The following DNAH8 variants were observed in gnomAD, a reference collection of about 807,000 sequenced individuals.
DNAH8 encodes axonemal beta dynein heavy chain 8.
DNAH8 carries 382 observed loss-of-function variants against 562.1 expected under a neutral mutation model. The ratio of observed to expected loss-of-function variants is 0.68; its 90% CI spans 0.63 to 0.74. The LOEUF (loss-of-function observed/expected upper bound fraction) is 0.74. Ranked by LOEUF, DNAH8 falls within the 30% of genes least tolerant of loss-of-function variation. The pLI, the probability that DNAH8 is intolerant of heterozygous loss-of-function variation, is 0.00. For synonymous variants in DNAH8, 1,881 were observed against 1,919.4 expected (o/e 0.98, Z 0.52); for missense variants, 5,203 against 5,620.4 (o/e 0.93, Z 2.37).
At chr6:38,731,099 G>C (rs544403353) in intron 4 of DNAH8, among the ~76,000 whole-genome samples, 1 of 152,098 alleles carries the variant, frequency 6.6e-6, no homozygotes, top group South Asian at 2.1e-4. Context: ...ATGTAAACTC[G>C]CAAATAGTGA....
At chr6:38,932,076 G>GA (rs200786194) in intron 76 of DNAH8, 83 bp downstream of exon 76, 426 of 1,075,544 alleles carry the variant, frequency 4.0e-4, no homozygotes, top group Middle Eastern at 1.4e-3. Flanking sequence ...ATGTGAAAAA[G>GA]AAAAAAAAAT....
At chr6:38,733,895 A>G (rs1763857280) in intron 4 of DNAH8, among the ~76,000 whole-genome samples, 1 of 151,124 alleles carries the variant, frequency 6.6e-6, no homozygotes, top group South Asian at 2.1e-4. Context: ...TGGGAGACAG[A>G]GCTAAAAAAA....
intron 9 of DNAH8, 86 bp from the exon 10 acceptor site, chr6:38,755,886 A>G: frequency 1.3e-6 from 1 of 796,378 alleles, no homozygotes; most frequent in Non-Finnish European, 2.1e-6. Context: ...TATTTTGTGT[A>G]CCTTTAGAGT....
At chr6:38,822,250 G>A (rs1442664429) in intron 26 of DNAH8, 3 of 152,184 alleles carry the variant, frequency 2.0e-5, no homozygotes, top group East Asian at 3.9e-4. Flanking sequence ...AAAAATAAAA[G>A]CATTGGTGAC....
chr6:38,747,384 C>CTTTTTTTTTTTTTTT (rs55729629), intron 8 of DNAH8, among the ~76,000 whole-genome samples: 5 of 113,776 alleles, frequency 4.4e-5, no homozygotes, highest in African/African-American at 1.4e-4. Flanking sequence ...TTTTCTTTTT[C>CTTTTTTTTTTTTTTT]TTTTTTTTTT....
intron 53 of DNAH8, among the ~76,000 whole-genome samples, chr6:38,876,326 C>G (rs752383549): frequency 6.6e-6 from 1 of 150,652 alleles, no homozygotes; most frequent in Non-Finnish European, 1.5e-5. Flanking sequence ...AAAAGAAATG[C>G]CTTTGAACTT....
intron 88 of DNAH8, among the ~76,000 whole-genome samples, chr6:39,000,472 C>T (rs761721880): frequency 2.0e-5 from 3 of 152,158 alleles, no homozygotes; most frequent in African/African-American, 7.2e-5. Flanking sequence ...GGAGCACTAC[C>T]GCCTGAGCTC....
At chr6:38,742,774 T>C (rs1764619238) in intron 8 of DNAH8, among the ~76,000 whole-genome samples, 1 of 145,498 alleles carries the variant, frequency 6.9e-6, no homozygotes, top group South Asian at 2.2e-4. Context: ...GAAAGACAAC[T>C]GCACTTTTCT....
At chr6:38,782,277 ATATT>A (rs5875638) in intron 16 of DNAH8, among the ~76,000 whole-genome samples, 117,248 of 148,598 alleles carry the variant, frequency 0.79, 46,520 homozygotes, top group African/African-American at 0.87. Flanking sequence ...TATTTTTTAA[ATATT>A]TATTTATTTA....
chr6:38,726,902 G>C (rs562599632), intron 3 of DNAH8, among the ~76,000 whole-genome samples: 2 of 127,230 alleles, frequency 1.6e-5, no homozygotes, highest in Non-Finnish European at 3.1e-5. Flanking sequence ...CTGTTACCCA[G>C]CCTGGAGTGC....
chr6:38,733,763 TA>T (rs976168581), intron 4 of DNAH8, among the ~76,000 whole-genome samples: 2 of 150,574 alleles, frequency 1.3e-5, no homozygotes, highest in African/African-American at 4.9e-5. Flanking sequence ...CTACAAGAAT[TA>T]GCCAGGCATG....
intron 35 of DNAH8, among the ~76,000 whole-genome samples, 189 bp downstream of exon 35, chr6:38,843,092 GATTATTTGAAATAC>G (rs759398773): frequency 3.3e-5 from 5 of 152,068 alleles, no homozygotes; most frequent in South Asian, 2.1e-4. Flanking sequence ...GAGATTATAT[GATTATTTGAAATAC>G]ATTATTTGAA....
intron 58 of DNAH8, among the ~76,000 whole-genome samples, chr6:38,893,431 A>ATTTTTT (rs1021101326): frequency 1.3e-5 from 2 of 151,540 alleles, no homozygotes; most frequent in Non-Finnish European, 2.9e-5. Context: ...AAAGAAAGGA[A>ATTTTTT]TTTTTTTTTA....
rs1246292892 is a variant in DNAH8, at chr6:38,807,728, A to G, written c.3257+12A>G. On this transcript the variant is annotated intron_variant, in intron 24 of 92. Coordinates refer to ENST00000327475, the MANE Select transcript of DNAH8 (RefSeq NM_001206927.2). Reference sequence around the variant, plus strand: ...ATATTTGTTGCAAGGCAAGTTGAAAATATGCTAATTATGTCTGGTAATCAT... The same window carrying G: ...ATATTTGTTGCAAGGCAAGTTGAAAGTATGCTAATTATGTCTGGTAATCAT... The G allele has an allele frequency of 7.0e-7, 1 of 1,436,874 alleles. No homozygotes were observed. Among genetic ancestry groups the G allele is most frequent in the South Asian group, 1.5e-5 (1 of 64,976 alleles). The allele number at this position is 1,436,874 out of a possible 1,614,324, so 89.0% of individuals were successfully genotyped here. A position where few individuals can be genotyped will look rare whatever the true frequency, so the allele number is the denominator to read the frequency against.
intron 8 of DNAH8, chr6:38,744,033 C>T (rs1764729629): frequency 6.6e-6 from 1 of 152,070 alleles, no homozygotes; most frequent in South Asian, 2.1e-4. Context: ...TTGGACACTC[C>T]ACAACTTTTC....
chr6:38,815,439 T>C, intron 25 of DNAH8, 29 bp from the exon 26 acceptor site: 1 of 1,568,690 alleles, frequency 6.4e-7, no homozygotes, highest in Admixed American at 1.7e-5. Flanking sequence ...GTGCCGGCAG[T>C]ATTACACATT....
At chr6:38,930,797 C>T (rs1782497744) in intron 75 of DNAH8, among the ~76,000 whole-genome samples, 1 of 152,052 alleles carries the variant, frequency 6.6e-6, no homozygotes. Context: ...ATAATGATTA[C>T]CACAATCAAA....
chr6:38,894,978 G>T, intron 59 of DNAH8, 114 bp downstream of exon 59: 1 of 1,079,968 alleles, frequency 9.3e-7, no homozygotes, highest in Admixed American at 2.8e-5. Context: ...GCCCAGGCTG[G>T]AGTGCAATGG....
chr6:39,012,172 A>G (rs746253738), intron 89 of DNAH8, 43 bp from the exon 90 acceptor site: 6 of 1,452,982 alleles, frequency 4.1e-6, no homozygotes, highest in East Asian at 4.6e-5. Context: ...GAGAAATGTC[A>G]GATGAGAAAA....
Sources: gnomAD v4.1 joint callset for allele counts (sites outside exome capture counted in the v4.1 genomes callset) on GRCh38, gnomAD v4.1.1 for gene constraint, MANE v1.5 for transcripts, NCBI Gene and HGNC (gene_info 2026-07-23, HGNC 2026-07-21) for gene names.